CSMD3: variants seen among roughly 807,000 people sequenced by gnomAD.
CSMD3 encodes the protein CUB and Sushi multiple domains 3.
Under a neutral mutation model 435.2 loss-of-function variants are expected in CSMD3, and 177 were observed. That is an observed-to-expected ratio of 0.41 (90% CI 0.36 to 0.46). CSMD3 has a LOEUF of 0.46. Ranked by LOEUF, CSMD3 falls within the 20% of genes least tolerant of loss-of-function variation. The pLI is 0.34. For synonymous variants in CSMD3, 1,656 were observed against 1,520.5 expected (o/e 1.09, Z -2.07); for missense variants, 4,265 against 4,504.6 (o/e 0.95, Z 1.52).
intron 32 of CSMD3, among the ~76,000 whole-genome samples, chr8:112,421,290 C>A (rs898786238): frequency 6.6e-6 from 1 of 151,868 alleles, no homozygotes; most frequent in Non-Finnish European, 1.5e-5. Flanking sequence ...CACCTGTAAT[C>A]CCAGCATTTT....
chr8:113,068,999 G>A lies in CSMD3; in HGVS notation c.917+29757C>T, dbSNP rs974374489. Among the ~76,000 whole-genome samples, 15 of 150,356 alleles carry A rather than the reference G, an allele frequency of 1.0e-4. No homozygotes were observed. The East Asian group carries it at 2.0e-3, about 20-fold the overall frequency. ...AACAGGTAAGGAAACAGTTACTAGG[G>A]AGTTAAGCAACTTAACCAAGGTTTC... On this transcript the variant is annotated intron_variant, in intron 5 of 70. Transcript: ENST00000297405.
intron 10 of CSMD3, among the ~76,000 whole-genome samples, chr8:112,909,207 A>G (rs2082340488): frequency 6.6e-6 from 1 of 151,616 alleles, no homozygotes; most frequent in Non-Finnish European, 1.5e-5. Flanking sequence ...CCCAAAATCA[A>G]GCACATAAAC....
chr8:112,541,738 AC>A (rs1826683552), intron 27 of CSMD3, among the ~76,000 whole-genome samples: 1 of 152,018 alleles, frequency 6.6e-6, no homozygotes, highest in Admixed American at 6.6e-5. Flanking sequence ...TTGAAACAAA[AC>A]AAAACAAAAC....
At chr8:112,389,645 T>C (rs895738936) in intron 36 of CSMD3, among the ~76,000 whole-genome samples, 4 of 152,338 alleles carry the variant, frequency 2.6e-5, no homozygotes, top group African/African-American at 9.6e-5. Flanking sequence ...AAATTATGCT[T>C]CAATCTAATT....
At chr8:113,235,503 C>T (rs1425594979) in intron 3 of CSMD3, among the ~76,000 whole-genome samples, 1 of 151,598 alleles carries the variant, frequency 6.6e-6, no homozygotes, top group Admixed American at 6.6e-5. Context: ...GTATGGGCCA[C>T]AGTAGGAAAA....
intron 2 of CSMD3, among the ~76,000 whole-genome samples, chr8:113,286,963 GGAGA>G (rs142894344): frequency 0.013 from 1,928 of 150,972 alleles, 49 homozygotes; most frequent in African/African-American, 0.045. Flanking sequence ...AATAGGAAGA[GGAGA>G]GAGAGAGAGA....
At chr8:112,482,760 C>T (rs1045375153) in intron 31 of CSMD3, among the ~76,000 whole-genome samples, 2 of 152,098 alleles carry the variant, frequency 1.3e-5, no homozygotes, top group Admixed American at 1.3e-4. Flanking sequence ...AAGGGAAAAG[C>T]GCTCTTTAAT....
intron 4 of CSMD3, among the ~76,000 whole-genome samples, chr8:113,133,474 T>A (rs1230858027): frequency 2.0e-5 from 3 of 152,090 alleles, no homozygotes; most frequent in African/African-American, 7.2e-5. Flanking sequence ...CCTGTGCCAG[T>A]CGGTGAGATT....
At chr8:112,848,019 C>G (rs2080376412) in intron 11 of CSMD3, among the ~76,000 whole-genome samples, 1 of 152,116 alleles carries the variant, frequency 6.6e-6, no homozygotes, top group South Asian at 2.1e-4. Context: ...AATGGAATGG[C>G]CTGTCTGAAA....
intron 1 of CSMD3, among the ~76,000 whole-genome samples, chr8:113,409,714 C>T (rs11992559): frequency 0.018 from 2,755 of 152,264 alleles, 95 homozygotes; most frequent in African/African-American, 0.061. Context: ...CATTTGGTCA[C>T]TTCCGCTAAC....
chr8:112,377,675 T>C (rs1345760920), intron 38 of CSMD3, among the ~76,000 whole-genome samples: 2 of 152,078 alleles, frequency 1.3e-5, no homozygotes, highest in African/African-American at 4.8e-5. Flanking sequence ...ATTCCTGGGA[T>C]GCAACAATGG....
chr8:112,343,067 T>A (rs373036138), intron 41 of CSMD3, among the ~76,000 whole-genome samples: 2 of 145,274 alleles, frequency 1.4e-5, no homozygotes, highest in East Asian at 4.0e-4. Context: ...TTTGATTTAA[T>A]CAAAACTCAA....
chr8:113,140,775 T>C (rs1442474408), intron 4 of CSMD3, among the ~76,000 whole-genome samples: 1 of 150,642 alleles, frequency 6.6e-6, no homozygotes, highest in African/African-American at 2.4e-5. Context: ...AGAGAAAAAC[T>C]TACAGTACCA....
chr8:113,243,125 A>G (rs2093237818), intron 3 of CSMD3, among the ~76,000 whole-genome samples: 1 of 151,876 alleles, frequency 6.6e-6, no homozygotes, highest in African/African-American at 2.4e-5. Context: ...CTCTATTAAT[A>G]CAAGAAATAA....
At chr8:112,258,682 A>C (rs1030250206) in intron 61 of CSMD3, among the ~76,000 whole-genome samples, 7 of 152,166 alleles carry the variant, frequency 4.6e-5, no homozygotes, top group Admixed American at 1.3e-4. Flanking sequence ...GTTGGTGGGA[A>C]TGTAAATTAG....
intron 47 of CSMD3, among the ~76,000 whole-genome samples, chr8:112,315,190 T>A (rs1031019189): frequency 2.0e-5 from 3 of 151,914 alleles, no homozygotes; most frequent in Admixed American, 2.0e-4. Context: ...AGCCCATAAA[T>A]GTAGCCCAAA....
chr8:112,990,067 G>A (rs1465676319), intron 6 of CSMD3, among the ~76,000 whole-genome samples: 12 of 151,850 alleles, frequency 7.9e-5, no homozygotes, highest in Middle Eastern at 3.2e-3. Context: ...TTCACCTTCC[G>A]CCATGATTGT....
chr8:112,635,785 T>C lies in CSMD3; in HGVS notation c.3715+1032A>G, dbSNP rs542639817. On this transcript the variant is annotated intron_variant, in intron 22 of 70. Transcript: ENST00000297405. ...ACATTCTATATATTGGACAATATAT[T>C]GAATAAGGCAAAAAGGATATAACTT... Among the ~76,000 whole-genome samples the C allele has an allele frequency of 4.6e-5, 7 of 152,276 alleles. No individual in the cohort carries two copies. In the East Asian group the frequency reaches 1.4e-3, roughly 29 times the overall value.
At chr8:113,086,205 C>A (rs199766910) in intron 5 of CSMD3, among the ~76,000 whole-genome samples, 1 of 150,558 alleles carries the variant, frequency 6.6e-6, no homozygotes, top group Admixed American at 6.6e-5. Flanking sequence ...GCCGAGATCG[C>A]GCCACTGCAC....
Sources: gnomAD v4.1 joint callset for allele counts (sites outside exome capture counted in the v4.1 genomes callset) on GRCh38, gnomAD v4.1.1 for gene constraint, MANE v1.5 for transcripts, NCBI Gene and HGNC (gene_info 2026-07-23, HGNC 2026-07-21) for gene names.